Variants in GREB1L observed in about 807,000 individuals in gnomAD.
The protein encoded by GREB1L is GREB1-like protein.
A neutral mutation model predicts 200.8 loss-of-function variants in GREB1L; 17 were observed. The ratio of observed to expected loss-of-function variants is 0.08; its 90% confidence interval spans 0.06 to 0.13. The LOEUF (loss-of-function observed/expected upper bound fraction) is 0.13. GREB1L is among the 10% of genes least tolerant of loss of function. The pLI is 1.00. For missense variants in GREB1L, 1,657 were observed against 2,367.7 expected (o/e 0.70, Z 6.23); for synonymous variants, 789 against 893.0 (o/e 0.88, Z 2.08).
intron 7 of GREB1L, among the ~76,000 whole-genome samples, chr18:21,409,151 A>G (rs1387911572): frequency 1.3e-5 from 2 of 152,362 alleles, no homozygotes; most frequent in East Asian, 3.9e-4. Context: ...GAATGGCTGG[A>G]CAAAAATGTG....
intron 1 of GREB1L, among the ~76,000 whole-genome samples, chr18:21,262,878 A>G (rs955707743): frequency 2.6e-5 from 4 of 152,202 alleles, no homozygotes; most frequent in Admixed American, 2.0e-4. Flanking sequence ...TTCGTCTGCT[A>G]AAACTTCATG....
At chr18:21,432,209 C>T (rs2033213142) in intron 7 of GREB1L, among the ~76,000 whole-genome samples, 1 of 152,152 alleles carries the variant, frequency 6.6e-6, no homozygotes, top group Non-Finnish European at 1.5e-5. Flanking sequence ...AGGCGTGAGC[C>T]ACCGTGCCCG....
chr18:21,400,285 C>G (rs1297061872), intron 5 of GREB1L, among the ~76,000 whole-genome samples: 1 of 151,998 alleles, frequency 6.6e-6, no homozygotes, highest in Non-Finnish European at 1.5e-5. Context: ...CCTGTTCCAA[C>G]CAGGTCACCA....
intron 7 of GREB1L, 84 bp from the exon 8 acceptor site, chr18:21,439,437 G>A: frequency 7.7e-6 from 6 of 778,160 alleles, no homozygotes; most frequent in Non-Finnish European, 1.3e-5. Flanking sequence ...TAGAGTGTGA[G>A]GTCTATCAGA....
At position 21,522,714 on chromosome 18, in the gene GREB1L, C is replaced by T. The variant is rs1450337271; in HGVS notation, c.5665C>T (p.Arg1889Cys). The T allele has an allele frequency of 1.9e-5, 29 of 1,551,586 alleles. No individual in the cohort carries two copies. Among genetic ancestry groups the T allele is most frequent in the Non-Finnish European group, 2.3e-5 (26 of 1,146,958 alleles). Reference protein sequence around the residue: ...DRSSLRQTIVRLELEDEWQFR... With the variant: ...DRSSLRQTIVCLELEDEWQFR... Reference sequence around the variant, plus strand: ...AAGTTCCTTGCGCCAAACAATTGTCCGCTTAGAGCTAGAAGATGAGTGGCA... The same window carrying T: ...AAGTTCCTTGCGCCAAACAATTGTCTGCTTAGAGCTAGAAGATGAGTGGCA... Residue 1889 changes from arginine (R) to cysteine (C), a missense_variant, in exon 33 of 33, where the codon CGC (arginine) becomes TGC (cysteine). Physicochemically the swap from Arg to Cys is radical, Grantham distance 180. Coordinates refer to ENST00000424526, the MANE Select transcript of GREB1L (RefSeq NM_001142966.3).
At chr18:21,425,746 T>C (rs973563904) in intron 7 of GREB1L, among the ~76,000 whole-genome samples, 8 of 152,218 alleles carry the variant, frequency 5.3e-5, no homozygotes, top group African/African-American at 1.7e-4. Flanking sequence ...TGACTCTTTA[T>C]TGATTTACAA....
intron 19 of GREB1L, among the ~76,000 whole-genome samples, chr18:21,492,609 C>G (rs1005627208): frequency 6.6e-6 from 1 of 152,180 alleles, no homozygotes; most frequent in African/African-American, 2.4e-5. Context: ...AAACCACAGT[C>G]AAGGCCTGAG....
intron 15 of GREB1L, among the ~76,000 whole-genome samples, chr18:21,457,204 A>G (rs993688321): frequency 2.6e-5 from 4 of 152,154 alleles, no homozygotes; most frequent in African/African-American, 9.7e-5. Flanking sequence ...AGATTTTTCT[A>G]AAGTGTTTTA....
chr18:21,302,831 C>G (rs1201746848), intron 1 of GREB1L, among the ~76,000 whole-genome samples: 1 of 152,134 alleles, frequency 6.6e-6, no homozygotes, highest in African/African-American at 2.4e-5. Context: ...AAGCAATTCT[C>G]CTGCCTCAGC....
chr18:21,244,395 A>G (rs566407648), intron 1 of GREB1L, among the ~76,000 whole-genome samples: 2 of 152,208 alleles, frequency 1.3e-5, no homozygotes, highest in South Asian at 4.1e-4. Context: ...TAAAGGATAA[A>G]TACGAAGGCC....
At chr18:21,463,266 C>A (rs534683681) in intron 15 of GREB1L, among the ~76,000 whole-genome samples, 4 of 149,508 alleles carry the variant, frequency 2.7e-5, no homozygotes, top group African/African-American at 9.8e-5. Flanking sequence ...CTGCCTCAGC[C>A]TCCCAAGTAG....
Position 21,403,888 on chromosome 18 carries a change from A to G in GREB1L, c.726A>G (p.Gln242=), listed in dbSNP as rs1162868522. ...CTTTTCCAGAATGTAGAAGCCGACA[A>G]TCCTCTGCTTCTTGCCACTCTATTA... is the stretch of plus-strand genomic sequence containing the variant. ...LICWKECRSR[Q]SSASCHSIKP... The change falls in exon 7 of 33, where the codon CAA becomes CAG. Residue 242 remains glutamine, a synonymous_variant. Coordinates refer to ENST00000424526, the MANE Select transcript of GREB1L (RefSeq NM_001142966.3). The G allele has an allele frequency of 9.7e-6, 15 of 1,551,302 alleles. No homozygotes were observed. Among genetic ancestry groups the G allele is most frequent in the Middle Eastern group, 1.7e-4 (1 of 6,014 alleles).
intron 1 of GREB1L, among the ~76,000 whole-genome samples, chr18:21,294,756 A>C (rs2038501237): frequency 6.6e-6 from 1 of 152,208 alleles, no homozygotes; most frequent in Admixed American, 6.5e-5. Context: ...TGTCATTTAC[A>C]ATAGTCATTA....
Position 21,337,583 on chromosome 18 carries a change from G to T in GREB1L, c.-119-28444G>T, listed in dbSNP as rs187296315. On this transcript the variant is annotated intron_variant, in intron 1 of 32. Transcript: ENST00000424526. ...GAACAGAACCATAGAATGGCAAGGGGCTTAAGAGGCACCATAACTGATTTG... is the reference window on the plus strand; with the variant it reads ...GAACAGAACCATAGAATGGCAAGGGTCTTAAGAGGCACCATAACTGATTTG... Among the ~76,000 whole-genome samples, 5 of 152,302 alleles carry T rather than the reference G, an allele frequency of 3.3e-5. No homozygotes were observed. In the East Asian group the frequency reaches 7.7e-4, roughly 23 times the overall value.
At chr18:21,351,037 G>T (rs956120526) in intron 1 of GREB1L, among the ~76,000 whole-genome samples, 1 of 152,044 alleles carries the variant, frequency 6.6e-6, no homozygotes, top group Non-Finnish European at 1.5e-5. Flanking sequence ...GAGAGAATGG[G>T]TAAGATGGAA....
intron 16 of GREB1L, among the ~76,000 whole-genome samples, 161 bp from the exon 17 acceptor site, chr18:21,477,003 A>AT (rs1022011160): frequency 1.3e-5 from 2 of 152,060 alleles, no homozygotes; most frequent in Non-Finnish European, 1.5e-5. Context: ...AGGAATGTAA[A>AT]TTTTTTTTCC....
chr18:21,340,595 T>C (rs1598673322), intron 1 of GREB1L, among the ~76,000 whole-genome samples: 1 of 151,224 alleles, frequency 6.6e-6, no homozygotes, highest in African/African-American at 2.4e-5. Context: ...CAGGCTGGAG[T>C]GCAATGGCAC....
At chr18:21,298,855 G>T (rs1444955763) in intron 1 of GREB1L, among the ~76,000 whole-genome samples, 1 of 151,040 alleles carries the variant, frequency 6.6e-6, no homozygotes, top group African/African-American at 2.4e-5. Flanking sequence ...GATCACTGGA[G>T]TCTGGGAGGT....
intron 25 of GREB1L, 82 bp downstream of exon 25, chr18:21,506,031 T>C (rs2037002107): frequency 7.3e-7 from 1 of 1,365,572 alleles, no homozygotes; most frequent in Non-Finnish European, 9.8e-7. Context: ...GGATGAAAAA[T>C]AAGGCCCCTA....
Sources: allele counts gnomAD v4.1 joint callset (sites outside exome capture counted in the v4.1 genomes callset), GRCh38; gene constraint gnomAD v4.1.1; transcripts MANE v1.5; gene names NCBI Gene and HGNC (gene_info 2026-07-23, HGNC 2026-07-21).